The following SLC24A2 variants were observed in gnomAD, a reference collection of about 807,000 sequenced individuals.
SLC24A2 encodes solute carrier family 24 member 2.
In SLC24A2, 36 loss-of-function variants were observed where a neutral mutation model predicts 62.0. The ratio of observed to expected loss-of-function variants is 0.58; its 90% confidence interval spans 0.44 to 0.77. The LOEUF (loss-of-function observed/expected upper bound fraction) is 0.77, where lower values mean the gene tolerates loss of function less well. Among genes scored for constraint, SLC24A2 ranks in the 30% least tolerant of loss-of-function variants. SLC24A2 has a pLI of 0.00. For synonymous variants in SLC24A2, 358 were observed against 294.0 expected (o/e 1.22, Z -2.23); for missense variants, 846 against 817.9 (o/e 1.03, Z -0.42).
the SLC24A2 span, among the ~76,000 whole-genome samples, chr9:19,987,230 T>G: frequency 0.01 from 1,531 of 152,154 alleles, 30 homozygotes; most frequent in African/African-American, 0.034. Context: ...GGTGTGCGGG[T>G]AGAGAGGTCT....
the SLC24A2 span, among the ~76,000 whole-genome samples, chr9:19,817,549 A>C: frequency 6.6e-6 from 1 of 151,820 alleles, no homozygotes; most frequent in Non-Finnish European, 1.5e-5. Context: ...TATTAATTTT[A>C]TAATGGCCAT....
chr9:19,888,172 T>C, the SLC24A2 span, among the ~76,000 whole-genome samples: 62,052 of 152,068 alleles, frequency 0.41, 13,252 homozygotes, highest in East Asian at 0.84. Context: ...TAGTGGGCTG[T>C]TCACCTAGTC....
the SLC24A2 span, among the ~76,000 whole-genome samples, chr9:20,014,088 G>C: frequency 2.0e-5 from 3 of 152,072 alleles, no homozygotes; most frequent in Admixed American, 6.6e-5. Flanking sequence ...CATGCCTATA[G>C]TCTCAGCTAC....
chr9:19,818,332 G>T, the SLC24A2 span, among the ~76,000 whole-genome samples: 3 of 152,086 alleles, frequency 2.0e-5, no homozygotes, highest in Non-Finnish European at 4.4e-5. Flanking sequence ...AAGCTGGAAA[G>T]GACTTCAACT....
chr9:20,053,484 A>C, the SLC24A2 span, among the ~76,000 whole-genome samples: 1 of 152,074 alleles, frequency 6.6e-6, no homozygotes, highest in Non-Finnish European at 1.5e-5. Flanking sequence ...CTTCGTTTCT[A>C]GTCTTTTTTC....
chr9:19,830,272 G>T, the SLC24A2 span, among the ~76,000 whole-genome samples: 1 of 150,654 alleles, frequency 6.6e-6, no homozygotes, highest in Non-Finnish European at 1.5e-5. Flanking sequence ...TTGCCCCAAG[G>T]AAAGTAAGTT....
At chr9:19,545,163 C>A (rs200423602) in intron 8 of SLC24A2, among the ~76,000 whole-genome samples, 2 of 151,818 alleles carry the variant, frequency 1.3e-5, no homozygotes, top group Admixed American at 6.6e-5. Context: ...CTTCTCACTT[C>A]ATTTCATTAA....
intron 7 of SLC24A2, among the ~76,000 whole-genome samples, chr9:19,561,091 A>G (rs974523043): frequency 6.6e-6 from 1 of 150,958 alleles, no homozygotes; most frequent in Non-Finnish European, 1.5e-5. Flanking sequence ...ACACCTGGCT[A>G]ATTTTTTTTT....
At chr9:19,715,308 A>G (rs766003191) in intron 2 of SLC24A2, among the ~76,000 whole-genome samples, 1 of 152,186 alleles carries the variant, frequency 6.6e-6, no homozygotes, top group Non-Finnish European at 1.5e-5. Flanking sequence ...CAGTTGATAC[A>G]CTGACAGGCA....
At chr9:19,838,084 G>C in the SLC24A2 span, among the ~76,000 whole-genome samples, 148 of 151,886 alleles carry the variant, frequency 9.7e-4, 1 homozygote, top group African/African-American at 3.4e-3. Flanking sequence ...AGTTCATATG[G>C]AACCAAAAAA....
At chr9:19,695,186 C>T in intron 2 of SLC24A2, among the ~76,000 whole-genome samples, 1 of 152,022 alleles carries the variant, frequency 6.6e-6, no homozygotes, top group Non-Finnish European at 1.5e-5. Context: ...GCTAAACATC[C>T]TATAATGCAA....
At chr9:20,014,276 G>A in the SLC24A2 span, among the ~76,000 whole-genome samples, 7 of 152,060 alleles carry the variant, frequency 4.6e-5, no homozygotes, top group African/African-American at 1.4e-4. Flanking sequence ...CTTACATGCT[G>A]TTGGTGGGAA....
the SLC24A2 span, among the ~76,000 whole-genome samples, chr9:20,075,077 A>G: frequency 6.6e-6 from 1 of 152,214 alleles, no homozygotes; most frequent in African/African-American, 2.4e-5. Context: ...GAAATTCAGT[A>G]TCTTTTTTAT....
chr9:19,909,527 G>A, the SLC24A2 span, among the ~76,000 whole-genome samples: 1 of 152,038 alleles, frequency 6.6e-6, no homozygotes, highest in Non-Finnish European at 1.5e-5. Context: ...ATTTTAATAA[G>A]GGAAAAAGGT....
chr9:20,276,685 C>T, the SLC24A2 span, among the ~76,000 whole-genome samples: 47 of 152,362 alleles, frequency 3.1e-4, no homozygotes, highest in Admixed American at 2.4e-3. Flanking sequence ...TCCATGAGGG[C>T]TCTGCCCCTG....
the SLC24A2 span, among the ~76,000 whole-genome samples, chr9:20,230,682 T>C: frequency 7.9e-5 from 12 of 152,218 alleles, no homozygotes; most frequent in African/African-American, 2.7e-4. Context: ...ATTCTGTAGG[T>C]TGCCTGTTCA....
At chr9:20,306,328 AC>A in the SLC24A2 span, among the ~76,000 whole-genome samples, 10 of 152,246 alleles carry the variant, frequency 6.6e-5, no homozygotes, top group Non-Finnish European at 1.0e-4. Flanking sequence ...GTGAACAACA[AC>A]AACAACAACA....
the SLC24A2 span, among the ~76,000 whole-genome samples, chr9:19,930,802 G>T: frequency 6.6e-6 from 1 of 152,192 alleles, no homozygotes; most frequent in Non-Finnish European, 1.5e-5. Flanking sequence ...GAGACTTGCT[G>T]TAATTGTCCA....
chr9:19,858,338 A>T, the SLC24A2 span, among the ~76,000 whole-genome samples: 18 of 152,318 alleles, frequency 1.2e-4, no homozygotes, highest in Admixed American at 9.8e-4. Context: ...TTCTTACACC[A>T]TACACAAAAA....
Sources: gnomAD v4.1 joint callset for allele counts (sites outside exome capture counted in the v4.1 genomes callset) on GRCh38, gnomAD v4.1.1 for gene constraint, MANE v1.5 for transcripts, NCBI Gene and HGNC (gene_info 2026-07-23, HGNC 2026-07-21) for gene names.